The following KCNAB1 variants were observed in gnomAD, a reference collection of about 807,000 sequenced individuals.
KCNAB1 encodes voltage-gated potassium channel subunit beta-1.
KCNAB1 carries 35 observed loss-of-function variants against 64.6 expected under a neutral mutation model. That is an observed-to-expected ratio of 0.54 (90% CI 0.41 to 0.72). KCNAB1 has a LOEUF of 0.72. Among genes scored for constraint, KCNAB1 ranks in the 30% least tolerant of loss-of-function variants. The pLI, the probability that KCNAB1 is intolerant of heterozygous loss-of-function variation, is 0.00. For synonymous variants in KCNAB1, 177 were observed against 183.8 expected (o/e 0.96, Z 0.30); for missense variants, 401 against 512.9 (o/e 0.78, Z 2.11).
Position 156,432,629 on chromosome 3 carries a change from A to G in KCNAB1, c.319+10970A>G, listed in dbSNP as rs563102591. Reference sequence around the variant, plus strand: ...ACCATGAGGATTTCTTTAGCTGAAAAGAAGGAAGCAGGACCTGATTTGGTT... The same window carrying G: ...ACCATGAGGATTTCTTTAGCTGAAAGGAAGGAAGCAGGACCTGATTTGGTT... On this transcript the variant is annotated intron_variant, in intron 2 of 13. Coordinates refer to ENST00000490337, the MANE Select transcript of KCNAB1 (RefSeq NM_172160.3). Among the ~76,000 whole-genome samples the G allele has an allele frequency of 3.9e-5, 6 of 152,338 alleles. No individual in the cohort carries two copies. The South Asian group carries it at 1.2e-3, about 32-fold the overall frequency.
intron 1 of KCNAB1, among the ~76,000 whole-genome samples, chr3:156,136,249 A>G (rs1714339530): frequency 6.6e-6 from 1 of 152,220 alleles, no homozygotes; most frequent in Non-Finnish European, 1.5e-5. Context: ...TTTATTCTGT[A>G]CTAGTTACAT....
At chr3:156,218,359 G>A (rs1178949121) in intron 1 of KCNAB1, among the ~76,000 whole-genome samples, 1 of 152,194 alleles carries the variant, frequency 6.6e-6, no homozygotes, top group East Asian at 1.9e-4. Context: ...AGGAGAGGCT[G>A]AGCCCAGACA....
At chr3:156,428,831 G>A (rs1448252177) in intron 2 of KCNAB1, among the ~76,000 whole-genome samples, 2 of 152,144 alleles carry the variant, frequency 1.3e-5, no homozygotes, top group African/African-American at 4.8e-5. Context: ...GACCTAAGCA[G>A]TGAAGGAGAG....
chr3:156,227,480 G>A (rs561683458), intron 1 of KCNAB1, among the ~76,000 whole-genome samples: 1 of 152,320 alleles, frequency 6.6e-6, no homozygotes, highest in African/African-American at 2.4e-5. Flanking sequence ...CTTTTCTCAT[G>A]ATAGTCTGAA....
At chr3:156,363,044 T>A (rs1243434670) in intron 1 of KCNAB1, among the ~76,000 whole-genome samples, 1 of 152,228 alleles carries the variant, frequency 6.6e-6, no homozygotes, top group Non-Finnish European at 1.5e-5. Flanking sequence ...CTTAGTGTGA[T>A]TGGCACTCCA....
rs564718739 is a variant in KCNAB1 at position 156,453,064 on chromosome 3, T to C, written c.357+128T>C. The C allele has an allele frequency of 4.2e-5, 24 of 572,150 alleles. No individual in the cohort carries two copies. In the South Asian group the frequency reaches 7.7e-4, roughly 18 times the overall value. 35.4% of individuals were successfully genotyped at this position (572,150 alleles called of 1,614,324 possible). ...GTTTAATTCACAGGAAATGGTAAAA[T>C]TGACTCAGAGATTATTGTTGATTTT... On this transcript the variant is annotated intron_variant, in intron 3 of 13. Transcript: ENST00000490337.
chr3:156,151,530 A>G (rs780187864), intron 1 of KCNAB1, among the ~76,000 whole-genome samples: 9 of 152,230 alleles, frequency 5.9e-5, no homozygotes, highest in Non-Finnish European at 1.2e-4. Flanking sequence ...AAAATAATAT[A>G]AAGAACACAT....
At position 156,142,281 on chromosome 3, in the gene KCNAB1, C is replaced by G. The variant is rs781643729; in HGVS notation, c.275+21395C>G. On this transcript the variant is annotated intron_variant, in intron 1 of 13. Coordinates refer to ENST00000490337, the MANE Select transcript of KCNAB1 (RefSeq NM_172160.3). ...GATGAAATCTAATTTATGAGCTTTT[C>G]CTTTTATGGATTGTGCTTTTGGTGT... Among the ~76,000 whole-genome samples, 5 of 152,234 alleles carry G rather than the reference C, an allele frequency of 3.3e-5. No individual in the cohort carries two copies. The South Asian group carries it at 8.3e-4, about 25-fold the overall frequency.
intron 12 of KCNAB1, 101 bp downstream of exon 12, chr3:156,524,048 A>G: frequency 8.8e-7 from 1 of 1,138,742 alleles, no homozygotes; most frequent in Non-Finnish European, 1.2e-6. Context: ...TGTCTATTGC[A>G]GGGACAGATG....
At chr3:156,288,709 A>G (rs543464956) in intron 1 of KCNAB1, among the ~76,000 whole-genome samples, 2 of 152,336 alleles carry the variant, frequency 1.3e-5, no homozygotes, top group South Asian at 4.1e-4. Context: ...CACTGTGAGC[A>G]TCCTCTGGCC....
At chr3:156,147,865 T>C (rs73028523) in intron 1 of KCNAB1, among the ~76,000 whole-genome samples, 2,457 of 151,982 alleles carry the variant, frequency 0.016, 76 homozygotes, top group African/African-American at 0.057. Context: ...TGTCTCTTAG[T>C]TCTCATTCCA....
At chr3:156,198,913 ATTTTTTTTTTTTT>A (rs71138701) in intron 1 of KCNAB1, among the ~76,000 whole-genome samples, 3 of 21,294 alleles carry the variant, frequency 1.4e-4, no homozygotes, top group African/African-American at 4.8e-4. Context: ...TTATATTTTG[ATTTTTTTTTTTTT>A]TTTTTTTTTT....
At chr3:156,188,142 A>G (rs1713319562) in intron 1 of KCNAB1, among the ~76,000 whole-genome samples, 1 of 151,702 alleles carries the variant, frequency 6.6e-6, no homozygotes, top group Admixed American at 6.6e-5. Context: ...TCTCAAGATT[A>G]CCTACTTGGA....
At chr3:156,484,622 A>T (rs1419656787) in intron 8 of KCNAB1, among the ~76,000 whole-genome samples, 1 of 152,128 alleles carries the variant, frequency 6.6e-6, no homozygotes, top group African/African-American at 2.4e-5. Context: ...CTGCAGTGAC[A>T]TGCAGAGGAC....
At chr3:156,256,861 G>C (rs1401019465) in intron 1 of KCNAB1, among the ~76,000 whole-genome samples, 1 of 152,180 alleles carries the variant, frequency 6.6e-6, no homozygotes, top group Non-Finnish European at 1.5e-5. Flanking sequence ...GGAGGGAGTT[G>C]GGTATTTATT....
chr3:156,215,866 A>C (rs989380467), intron 1 of KCNAB1: 3 of 152,232 alleles, frequency 2.0e-5, no homozygotes, highest in Admixed American at 1.3e-4. Context: ...AGATGACATA[A>C]TTCCTTTCAT....
intron 3 of KCNAB1, among the ~76,000 whole-genome samples, chr3:156,454,271 G>A (rs1474993723): frequency 6.6e-6 from 1 of 152,192 alleles, no homozygotes; most frequent in African/African-American, 2.4e-5. Flanking sequence ...AGAGAACTTG[G>A]GTCATGATGC....
At chr3:156,162,350 C>T (rs1428932862) in intron 1 of KCNAB1, among the ~76,000 whole-genome samples, 1 of 151,868 alleles carries the variant, frequency 6.6e-6, no homozygotes, top group African/African-American at 2.4e-5. Context: ...GATGTTTCTT[C>T]CCATTTTAGG....
chr3:156,386,716 CAG>C (rs1029880637), intron 1 of KCNAB1, among the ~76,000 whole-genome samples: 1 of 152,202 alleles, frequency 6.6e-6, no homozygotes, highest in African/African-American at 2.4e-5. Flanking sequence ...TTATTAGACA[CAG>C]GGCATTGTTT....
Sources: gnomAD v4.1 joint callset for allele counts (sites outside exome capture counted in the v4.1 genomes callset) on GRCh38, gnomAD v4.1.1 for gene constraint, MANE v1.5 for transcripts, NCBI Gene and HGNC (gene_info 2026-07-23, HGNC 2026-07-21) for gene names.